The following R3HDM1 variants were observed in gnomAD, a reference collection of about 807,000 sequenced individuals.
R3HDM1 encodes the protein R3H domain containing 1.
Under a neutral mutation model 141.1 loss-of-function variants are expected in R3HDM1, and 46 were observed. That is an observed-to-expected ratio of 0.33 (90% CI 0.26 to 0.42). The LOEUF (loss-of-function observed/expected upper bound fraction) is 0.42. R3HDM1 is among the 10% of genes least tolerant of loss of function. The pLI, the probability that R3HDM1 is intolerant of heterozygous loss-of-function variation, is 1.00. For missense variants in R3HDM1, 1,184 were observed against 1,368.3 expected, an observed-to-expected ratio of 0.87 and a Z score of 2.12; for synonymous variants, 435 against 472.9, an observed-to-expected ratio of 0.92 and a Z score of 1.04.
intron 21 of R3HDM1, among the ~76,000 whole-genome samples, chr2:135,681,201 C>G (rs1353860367): frequency 2.0e-5 from 3 of 152,116 alleles, no homozygotes; most frequent in Non-Finnish European, 2.9e-5. Context: ...ATTACCAAAC[C>G]ATTCATTTAT....
intron 2 of R3HDM1, among the ~76,000 whole-genome samples, chr2:135,602,962 TTATC>T (rs2059739570): frequency 6.6e-6 from 1 of 152,130 alleles, no homozygotes; most frequent in African/African-American, 2.4e-5. Flanking sequence ...TGAGCTGTAT[TTATC>T]AATTCCTAAA....
intron 21 of R3HDM1, among the ~76,000 whole-genome samples, chr2:135,692,293 G>A (rs541153737): frequency 7.9e-4 from 120 of 151,780 alleles, no homozygotes; most frequent in Admixed American, 1.2e-3. Flanking sequence ...TCTGCAATTC[G>A]CTTGTCTTAT....
intron 3 of R3HDM1, chr2:135,607,728 G>A (rs928079132): frequency 2.3e-6 from 1 of 432,472 alleles, no homozygotes; most frequent in Non-Finnish European, 3.1e-6. Flanking sequence ...CATGTCTATT[G>A]TGTTGCCCTT....
intron 3 of R3HDM1, among the ~76,000 whole-genome samples, chr2:135,613,307 T>TG (rs1406418420): frequency 5.3e-5 from 8 of 152,342 alleles, no homozygotes; most frequent in Non-Finnish European, 8.8e-5. Context: ...CACTCTGTTC[T>TG]GAGAGGCTGC....
At chr2:135,571,173 A>G (rs1286854369) in intron 1 of R3HDM1, among the ~76,000 whole-genome samples, 3 of 152,180 alleles carry the variant, frequency 2.0e-5, no homozygotes, top group Non-Finnish European at 4.4e-5. Flanking sequence ...ATTGGGTTTC[A>G]TCAAATTAAA....
chr2:135,721,957 T>G lies in R3HDM1; in HGVS notation c.2915T>G (p.Leu972Arg). The stretch of plus-strand genomic sequence containing the variant: ...AGGTATCCATTACTTGGCCAGCCAC[T>G]GCAGTACAATCCTCCTGCTGTTCTG... The part of the protein sequence containing the change: ...DSRYPLLGQP[L>R]QYNPPAVLHG... Residue 972 changes from leucine to arginine, a missense_variant, in exon 25 of 27, where the codon CTG becomes CGG. Leu to Arg is a moderately radical substitution (Grantham distance 102). Coordinates refer to ENST00000683871, the MANE Select transcript of R3HDM1 (RefSeq NM_001378107.1). The G allele has an allele frequency of 6.2e-7, 1 of 1,613,956 alleles. No individual in the cohort carries two copies. The highest frequency in any genetic ancestry group is 8.5e-7 in the Non-Finnish European group (1 of 1,179,822).
chr2:135,597,133 C>A, intron 1 of R3HDM1: 1 of 977,784 alleles, frequency 1.0e-6, no homozygotes, highest in Non-Finnish European at 1.2e-6. Context: ...ACTAATTATT[C>A]TCTCTCATTC....
At chr2:135,709,313 T>C (rs983840735) in intron 21 of R3HDM1, 120 bp from the exon 22 acceptor site, 10 of 1,337,990 alleles carry the variant, frequency 7.5e-6, no homozygotes, top group Non-Finnish European at 1.0e-5. Flanking sequence ...GACCTCGTGA[T>C]CCGCCCGCCT....
intron 21 of R3HDM1, among the ~76,000 whole-genome samples, chr2:135,707,507 AAATG>A (rs1164195677): frequency 6.6e-6 from 1 of 152,212 alleles, no homozygotes; most frequent in Non-Finnish European, 1.5e-5. Context: ...TAGAGTGGTA[AAATG>A]AAATCGCAGT....
At chr2:135,542,770 A>G (rs1347735545) in intron 1 of R3HDM1, among the ~76,000 whole-genome samples, 1 of 152,204 alleles carries the variant, frequency 6.6e-6, no homozygotes. Context: ...ACGGCGTCTC[A>G]CTCTGTAGCC....
chr2:135,568,935 C>T (rs1703435064), intron 1 of R3HDM1: 1 of 150,804 alleles, frequency 6.6e-6, no homozygotes, highest in Admixed American at 6.6e-5. Context: ...ACCCCCACCT[C>T]AGGAAATCCT....
intron 1 of R3HDM1, among the ~76,000 whole-genome samples, chr2:135,576,068 C>T (rs984334544): frequency 3.9e-5 from 6 of 152,094 alleles, no homozygotes; most frequent in African/African-American, 1.4e-4. Context: ...AATAGAAAGC[C>T]CAGAAACAGA....
At chr2:135,623,451 GT>G (rs1300541507) in intron 7 of R3HDM1, among the ~76,000 whole-genome samples, 1 of 152,148 alleles carries the variant, frequency 6.6e-6, no homozygotes, top group Non-Finnish European at 1.5e-5. Flanking sequence ...TAAGAGAGTT[GT>G]TTATCTCTTA....
chr2:135,699,043 A>AT (rs2073804230), intron 21 of R3HDM1, among the ~76,000 whole-genome samples: 9 of 91,602 alleles, frequency 9.8e-5, no homozygotes, highest in East Asian at 9.8e-4. Flanking sequence ...AGATAGATAG[A>AT]TAAGATAGAT....
intron 1 of R3HDM1, chr2:135,566,972 GA>G (rs74608097): frequency 0.013 from 1,328 of 98,926 alleles, 8 homozygotes; most frequent in South Asian, 0.017. Context: ...CTCCGTCTCA[GA>G]AAAAAAAAAA....
Position 135,567,904 on chromosome 2 carries a change from T to TTTC in R3HDM1, c.-249-34594_-249-34593insCTT, listed in dbSNP as rs1175170820. ...GCAGGCGTGCATCACCACACCTGGCTTTTTTTTTTTTTTTTTTTTTTTTGC... is the reference window on the plus strand; with the variant it reads ...GCAGGCGTGCATCACCACACCTGGCTTTCTTTTTTTTTTTTTTTTTTTTTTTGC... On this transcript the variant is annotated intron_variant, in intron 1 of 26. Coordinates refer to ENST00000683871, the MANE Select transcript of R3HDM1 (RefSeq NM_001378107.1). Among the ~76,000 whole-genome samples, 1,188 of 120,692 alleles carry TTTC rather than the reference T, an allele frequency of 9.8e-3. 3 individuals carry two copies. The highest frequency in any genetic ancestry group is 0.013 in the South Asian group (53 of 3,934). The allele number at this position is 120,692 out of a possible 152,430, so 79.2% of individuals were successfully genotyped here. A position where few individuals can be genotyped will look rare whatever the true frequency, so the allele number is the denominator to read the frequency against.
At chr2:135,560,678 A>G (rs1038078948) in intron 1 of R3HDM1, among the ~76,000 whole-genome samples, 1 of 152,238 alleles carries the variant, frequency 6.6e-6, no homozygotes, top group Non-Finnish European at 1.5e-5. Context: ...TTGGATAAGA[A>G]TAAAAAATAT....
intron 21 of R3HDM1, among the ~76,000 whole-genome samples, chr2:135,680,638 C>T (rs113276719): frequency 8.5e-5 from 13 of 152,116 alleles, no homozygotes; most frequent in African/African-American, 2.4e-4. Flanking sequence ...GGCAAGGTGG[C>T]GTACGCCTGT....
chr2:135,655,492 TTTGTTG>T (rs543591380), intron 18 of R3HDM1, among the ~76,000 whole-genome samples: 33 of 151,494 alleles, frequency 2.2e-4, no homozygotes, highest in African/African-American at 6.3e-4. Flanking sequence ...TTTTTTTGTT[TTTGTTG>T]TTGTTGTTGT....
Sources: gnomAD v4.1 joint callset for allele counts (sites outside exome capture counted in the v4.1 genomes callset) on GRCh38, gnomAD v4.1.1 for gene constraint, MANE v1.5 for transcripts, NCBI Gene and HGNC (gene_info 2026-07-23, HGNC 2026-07-21) for gene names.